The following EPHA5 variants were observed in gnomAD, a reference collection of about 807,000 sequenced individuals.
EPHA5 encodes ephrin type-A receptor 5.
A neutral mutation model predicts 105.0 loss-of-function variants in EPHA5; 60 were observed. That is an observed-to-expected ratio of 0.57 (90% CI 0.46 to 0.71). The LOEUF (loss-of-function observed/expected upper bound fraction) is 0.71. Ranked by LOEUF, EPHA5 falls within the 30% of genes least tolerant of loss-of-function variation. The pLI, the probability that EPHA5 is intolerant of heterozygous loss-of-function variation, is 0.00. For missense variants in EPHA5, 1,218 were observed against 1,274.7 expected (o/e 0.96, Z 0.68); for synonymous variants, 513 against 449.1 (o/e 1.14, Z -1.80).
At chr4:65,434,297 G>A (rs980062298) in intron 5 of EPHA5, among the ~76,000 whole-genome samples, 2 of 149,684 alleles carry the variant, frequency 1.3e-5, no homozygotes, top group African/African-American at 5.1e-5. Flanking sequence ...TAGGAAATAG[G>A]TTGTGGACAT....
intron 11 of EPHA5, among the ~76,000 whole-genome samples, chr4:65,363,009 A>G (rs13135753): frequency 0.65 from 97,674 of 151,354 alleles, 31,870 homozygotes; most frequent in East Asian, 0.81. Context: ...TTACTTCAGG[A>G]CAAAGTGGAA....
chr4:65,493,553 T>A (rs929078642), intron 4 of EPHA5, among the ~76,000 whole-genome samples: 1 of 152,168 alleles, frequency 6.6e-6, no homozygotes, highest in Non-Finnish European at 1.5e-5. Flanking sequence ...CACACACTCA[T>A]AGATTATGTA....
intron 3 of EPHA5, among the ~76,000 whole-genome samples, chr4:65,592,027 A>T (rs540262521): frequency 1.7e-4 from 26 of 152,152 alleles, no homozygotes; most frequent in East Asian, 1.4e-3. Context: ...AATTTTTTTT[A>T]AAATTAAACA....
chr4:65,322,159 A>G lies in EPHA5; in HGVS notation c.*1955T>C, dbSNP rs1719687319. 4.5e-6 allele frequency: 1 copy of G among 224,668 alleles called. No individual in the cohort carries two copies. Among genetic ancestry groups the G allele is most frequent in the Non-Finnish European group, 8.9e-6 (1 of 112,590 alleles). 13.9% of individuals were successfully genotyped at this position (224,668 alleles called of 1,614,324 possible). ...CACAGTTTGTGTGGACCCATGGTAT[A>G]TAGCCCTTATTATTATGAGAACTGA... On this transcript the variant is annotated 3_prime_UTR_variant, in exon 17 of 17. Transcript: ENST00000613740.
At chr4:65,576,002 GAAAGAAAGAA>G (rs1471918965) in intron 3 of EPHA5, among the ~76,000 whole-genome samples, 2 of 51,688 alleles carry the variant, frequency 3.9e-5, no homozygotes, top group African/African-American at 1.5e-4. Flanking sequence ...GAGAGAGAGA[GAAAGAAAGAA>G]AGAAAGAAAG....
chr4:65,527,299 C>T (rs775791755), intron 3 of EPHA5, among the ~76,000 whole-genome samples: 51 of 151,990 alleles, frequency 3.4e-4, no homozygotes, highest in African/African-American at 8.2e-4. Flanking sequence ...CTACATTCAC[C>T]AAAGTGACAA....
rs186105901 is a variant in EPHA5 at position 65,397,039 on chromosome 4, G to A, written c.1793+7335C>T. Among the ~76,000 whole-genome samples the A allele has an allele frequency of 4.6e-4, 70 of 152,378 alleles. 1 individual carries two copies. The East Asian group carries it at 0.01, about 22-fold the overall frequency. On this transcript the variant is annotated intron_variant, in intron 8 of 16. Transcript: ENST00000613740. The stretch of plus-strand genomic sequence containing the variant: ...TTAACTGCTACAAATGTGGCAAGCT[G>A]TGGCACTTTAGGAAGGACTGTCTGG...
At chr4:65,531,023 T>A (rs1241178499) in intron 3 of EPHA5, among the ~76,000 whole-genome samples, 10 of 148,636 alleles carry the variant, frequency 6.7e-5, no homozygotes, top group South Asian at 6.4e-4. Flanking sequence ...TTATTTTTTT[T>A]ATTTTTTTTA....
chr4:65,450,697 T>C (rs905591726), intron 5 of EPHA5, among the ~76,000 whole-genome samples: 7 of 152,196 alleles, frequency 4.6e-5, no homozygotes, highest in Middle Eastern at 3.2e-3. Flanking sequence ...AGTGACATAC[T>C]TGCAGCTCAA....
intron 3 of EPHA5, among the ~76,000 whole-genome samples, chr4:65,595,313 T>A (rs1164729629): frequency 1.3e-5 from 2 of 152,128 alleles, no homozygotes; most frequent in African/African-American, 4.8e-5. Flanking sequence ...ATAGGCTGGA[T>A]AGAGTGCCTA....
At chr4:65,388,349 G>A (rs1720342225) in intron 8 of EPHA5, among the ~76,000 whole-genome samples, 1 of 151,712 alleles carries the variant, frequency 6.6e-6, no homozygotes, top group African/African-American at 2.4e-5. Flanking sequence ...GGGATGGCTG[G>A]GTCAAATGGT....
intron 1 of EPHA5, among the ~76,000 whole-genome samples, chr4:65,668,144 G>A (rs1036843349): frequency 3.6e-4 from 55 of 152,252 alleles, no homozygotes; most frequent in African/African-American, 1.3e-3. Flanking sequence ...AAACTTAGAG[G>A]TTAAAGAGAA....
intron 5 of EPHA5, among the ~76,000 whole-genome samples, chr4:65,464,440 A>T (rs1191133599): frequency 6.6e-6 from 1 of 152,124 alleles, no homozygotes; most frequent in Non-Finnish European, 1.5e-5. Context: ...GCACTCAATT[A>T]ACCTACTTTA....
At chr4:65,494,203 A>T (rs1731697744) in intron 4 of EPHA5, among the ~76,000 whole-genome samples, 1 of 152,228 alleles carries the variant, frequency 6.6e-6, no homozygotes, top group South Asian at 2.1e-4. Flanking sequence ...AAAGCTAATT[A>T]ATAGCAATGA....
chr4:65,589,768 A>T (rs916484969), intron 3 of EPHA5, among the ~76,000 whole-genome samples: 3 of 152,200 alleles, frequency 2.0e-5, no homozygotes, highest in African/African-American at 7.2e-5. Flanking sequence ...AATATTAAAA[A>T]ATCATCCACA....
At chr4:65,515,913 C>G (rs554082415) in intron 3 of EPHA5, among the ~76,000 whole-genome samples, 2 of 152,202 alleles carry the variant, frequency 1.3e-5, no homozygotes, top group South Asian at 2.1e-4. Flanking sequence ...TTCAATATCT[C>G]TTCTTGAACT....
At chr4:65,393,179 T>C (rs994574235) in intron 8 of EPHA5, among the ~76,000 whole-genome samples, 1 of 151,908 alleles carries the variant, frequency 6.6e-6, no homozygotes, top group East Asian at 1.9e-4. Flanking sequence ...TGAAAAAGAG[T>C]GTAGAGTGAG....
intron 4 of EPHA5, among the ~76,000 whole-genome samples, chr4:65,491,142 A>G (rs1044117400): frequency 1.3e-5 from 2 of 151,992 alleles, no homozygotes; most frequent in African/African-American, 2.4e-5. Flanking sequence ...AGGAAAATAC[A>G]GAATTTTCAG....
intron 16 of EPHA5, chr4:65,330,554 A>T: frequency 6.8e-6 from 3 of 438,898 alleles, no homozygotes; most frequent in Non-Finnish European, 9.2e-6. Flanking sequence ...CAAAAGAGAC[A>T]TTGTTTAATG....
Sources: gnomAD v4.1 joint callset for allele counts (sites outside exome capture counted in the v4.1 genomes callset) on GRCh38, gnomAD v4.1.1 for gene constraint, MANE v1.5 for transcripts, NCBI Gene and HGNC (gene_info 2026-07-23, HGNC 2026-07-21) for gene names.